PTPN1: variants seen among roughly 807,000 people sequenced by gnomAD.
PTPN1 encodes the protein protein tyrosine phosphatase non-receptor type 1.
A neutral mutation model predicts 59.9 loss-of-function variants in PTPN1; 12 were observed. That is an observed-to-expected ratio of 0.20 (90% CI 0.13 to 0.32). The LOEUF (loss-of-function observed/expected upper bound fraction) is 0.32, where lower values mean the gene tolerates loss of function less well. PTPN1 is among the 10% of genes least tolerant of loss of function. PTPN1 has a pLI of 1.00. For missense variants in PTPN1, 356 were observed against 549.2 expected, an observed-to-expected ratio of 0.65 and a Z score of 3.52; for synonymous variants, 178 against 203.6, an observed-to-expected ratio of 0.87 and a Z score of 1.07.
chr20:50,561,213 C>T (rs1359944893), intron 1 of PTPN1, 150 bp from the exon 2 acceptor site: 1 of 613,968 alleles, frequency 1.6e-6, no homozygotes, highest in African/African-American at 1.9e-5. Context: ...TGTGCTCATT[C>T]CTCCTCGGTT....
rs752162152 is a variant in PTPN1 at position 50,579,689 on chromosome 20, G to A, written c.865-14G>A. 10 of 1,604,790 alleles carry A rather than the reference G, an allele frequency of 6.2e-6. No individual in the cohort carries two copies. Among genetic ancestry groups the A allele is most frequent in the Non-Finnish European group, 8.5e-6 (10 of 1,173,474 alleles). ...GTGAACACTAATAGGACTTCCTCTT[G>A]CTGCTCTTTCAAGGATCAGTGGAAG... On this transcript the variant is annotated splice_polypyrimidine_tract_variant and intron_variant, in intron 7 of 9. Transcript: ENST00000371621.
At chr20:50,580,840 C>A (rs1031705689) in intron 8 of PTPN1, among the ~76,000 whole-genome samples, 1 of 152,192 alleles carries the variant, frequency 6.6e-6, no homozygotes, top group South Asian at 2.1e-4. Context: ...CAATTATGTT[C>A]TCTCCCGGTG....
chr20:50,513,716 A>G (rs914192942), intron 1 of PTPN1, among the ~76,000 whole-genome samples: 2 of 152,242 alleles, frequency 1.3e-5, no homozygotes, highest in Non-Finnish European at 2.9e-5. Context: ...GGTTAAAACC[A>G]TGTTGTAACA....
At chr20:50,514,099 G>A (rs2082518730) in intron 1 of PTPN1, among the ~76,000 whole-genome samples, 2 of 152,256 alleles carry the variant, frequency 1.3e-5, no homozygotes, top group Admixed American at 1.3e-4. Flanking sequence ...AGTAGAAATA[G>A]TGAAGGAAAG....
In PTPN1 at chr20:50,548,119, G is replaced by A. The variant is rs528465822; in HGVS notation, c.64-13244G>A. ...TTGAGGTGTGGACTGGAGTCCATCT[G>A]TCCCCCTTGCCTCTGAACTGCTCCG... is the stretch of plus-strand genomic sequence containing the variant. On this transcript the variant is annotated intron_variant, in intron 1 of 9. Transcript: ENST00000371621. Among the ~76,000 whole-genome samples the A allele has an allele frequency of 4.6e-5, 7 of 152,194 alleles. No individual in the cohort carries two copies. The East Asian group carries it at 1.4e-3, about 29-fold the overall frequency.
chr20:50,541,909 C>T (rs2082654739), intron 1 of PTPN1, among the ~76,000 whole-genome samples: 1 of 152,170 alleles, frequency 6.6e-6, no homozygotes. Flanking sequence ...GACTGCTCTG[C>T]AATTACTCCT....
intron 1 of PTPN1, among the ~76,000 whole-genome samples, chr20:50,534,685 T>C (rs1179446655): frequency 6.6e-6 from 1 of 152,224 alleles, no homozygotes; most frequent in African/African-American, 2.4e-5. Context: ...TCTAATTTAC[T>C]CTGACATCCA....
Position 50,510,476 on chromosome 20 carries a change from G to C in PTPN1, c.-52G>C. 3.2e-6 allele frequency: 5 copies of C among 1,541,378 alleles called. No homozygotes were observed. The highest frequency in any genetic ancestry group is 4.4e-6 in the Non-Finnish European group (5 of 1,140,988). ...TAAGAGCGCGACGCGGCCTAGAGCGGCAGACGGCGCAGTGGGCCGAGAAGG... is the reference window on the plus strand; with the variant it reads ...TAAGAGCGCGACGCGGCCTAGAGCGCCAGACGGCGCAGTGGGCCGAGAAGG... On this transcript the variant is annotated 5_prime_UTR_variant, in exon 1 of 10. Transcript: ENST00000371621.
At chr20:50,571,831 G>A (rs1601412425) in intron 4 of PTPN1, 1 of 152,204 alleles carries the variant, frequency 6.6e-6, no homozygotes, top group Admixed American at 6.5e-5. Flanking sequence ...AGTAAGCAAG[G>A]TGAGTTTAAT....
rs2082874588 is a variant in PTPN1, at chr20:50,582,632, G to A, written c.1285-60G>A. ...GGGGGGTGTGGCCGGGGTCATGCAT[G>A]AGGCGACAGCTCTGCAGGTGCGGGT... On this transcript the variant is annotated intron_variant, in intron 9 of 9. Transcript: ENST00000371621. The surrounding 1 kb of genome is among the most constrained non-coding windows in gnomAD (Gnocchi z 4.2). 1.9e-6 allele frequency: 3 copies of A among 1,592,634 alleles called. No individual in the cohort carries two copies. Among genetic ancestry groups the A allele is most frequent in the Non-Finnish European group, 2.6e-6 (3 of 1,165,596 alleles).
In PTPN1 at chr20:50,574,607, A is replaced by G. The variant is rs1475678011; in HGVS notation, c.445A>G (p.Ile149Val). 6.2e-7 allele frequency: 1 copy of G among 1,608,572 alleles called. No homozygotes were observed. Among genetic ancestry groups the G allele is most frequent in the Non-Finnish European group, 8.5e-7 (1 of 1,178,296 alleles). ...GAAATTAACATTGATCTCTGAAGAT[A>G]TCAAGTCATATTATACAGTGCGACA... is the stretch of plus-strand genomic sequence containing the variant. ...NLKLTLISED[I>V]KSYYTVRQLE... The change falls in exon 5 of 10, where the codon ATC (isoleucine) becomes GTC (valine). Residue 149 changes from isoleucine (I) to valine (V), a missense_variant. Physicochemically the swap from Ile to Val is conservative, Grantham distance 29. Transcript: ENST00000371621.
chr20:50,537,545 T>G (rs1016215010), intron 1 of PTPN1, among the ~76,000 whole-genome samples: 16 of 152,194 alleles, frequency 1.1e-4, no homozygotes. Flanking sequence ...CAATACTCTT[T>G]TATTATAAAG....
chr20:50,544,960 T>C (rs547308791), intron 1 of PTPN1, among the ~76,000 whole-genome samples: 127 of 152,158 alleles, frequency 8.3e-4, no homozygotes, highest in African/African-American at 2.9e-3. Context: ...GAGCATAAAT[T>C]GCACCACTGC....
At chr20:50,534,842 C>T (rs1345316746) in intron 1 of PTPN1, among the ~76,000 whole-genome samples, 3 of 152,172 alleles carry the variant, frequency 2.0e-5, no homozygotes, top group African/African-American at 7.2e-5. Flanking sequence ...CCTCCCACGT[C>T]AGCCTCTGGA....
chr20:50,576,824 G>A (rs988141910), intron 5 of PTPN1, among the ~76,000 whole-genome samples: 2 of 152,216 alleles, frequency 1.3e-5, no homozygotes, highest in African/African-American at 2.4e-5. Flanking sequence ...GCATTGAGCC[G>A]AGATCATGCC....
At chr20:50,519,840 A>G (rs2082543687) in intron 1 of PTPN1, among the ~76,000 whole-genome samples, 1 of 152,048 alleles carries the variant, frequency 6.6e-6, no homozygotes, top group African/African-American at 2.4e-5. Flanking sequence ...TTAAAGTTTG[A>G]TTTTTGTAGG....
chr20:50,560,310 G>T (rs962363393), intron 1 of PTPN1, among the ~76,000 whole-genome samples: 4 of 152,120 alleles, frequency 2.6e-5, no homozygotes, highest in Non-Finnish European at 5.9e-5. Context: ...TATGTCTTTA[G>T]ATTTCTGCAG....
intron 3 of PTPN1, among the ~76,000 whole-genome samples, chr20:50,565,660 G>C (rs1459212831): frequency 6.6e-6 from 1 of 152,110 alleles, no homozygotes; most frequent in Non-Finnish European, 1.5e-5. Context: ...TGACCAAAAG[G>C]GTATCTGGGA....
At chr20:50,554,417 G>A (rs2082717285) in intron 1 of PTPN1, among the ~76,000 whole-genome samples, 2 of 66,848 alleles carry the variant, frequency 3.0e-5, no homozygotes, top group Non-Finnish European at 6.3e-5. Flanking sequence ...TCAAAAGGCA[G>A]TGAAATAACG....
Sources: gnomAD v4.1 joint callset for allele counts (sites outside exome capture counted in the v4.1 genomes callset) on GRCh38, gnomAD v4.1.1 for gene constraint, Gnocchi (gnomAD v3.1) non-coding constraint, MANE v1.5 for transcripts, NCBI Gene and HGNC (gene_info 2026-07-23, HGNC 2026-07-21) for gene names.